The following SEL1L variants were observed in gnomAD, a reference collection of about 807,000 sequenced individuals.
SEL1L encodes SEL1L adaptor subunit of SYVN1 ubiquitin ligase, also known as protein sel-1 homolog 1.
Under a neutral mutation model 109.8 loss-of-function variants are expected in SEL1L, and 52 were observed. The ratio of observed to expected loss-of-function variants is 0.47; its 90% confidence interval spans 0.38 to 0.60. The LOEUF (loss-of-function observed/expected upper bound fraction) is 0.60, where lower values mean the gene tolerates loss of function less well. SEL1L is among the 20% of genes least tolerant of loss of function. SEL1L has a pLI of 0.00. For missense variants in SEL1L, 749 were observed against 962.2 expected (o/e 0.78, Z 2.93); for synonymous variants, 373 against 339.6 (o/e 1.10, Z -1.08).
chr14:81,494,383 T>C (rs1883661899), intron 11 of SEL1L, among the ~76,000 whole-genome samples: 1 of 152,228 alleles, frequency 6.6e-6, no homozygotes, highest in Admixed American at 6.5e-5. Flanking sequence ...CTCCCTGATC[T>C]GCCTGATTTT....
intron 10 of SEL1L, among the ~76,000 whole-genome samples, chr14:81,495,399 G>T (rs1566974450): frequency 6.6e-6 from 1 of 152,226 alleles, no homozygotes; most frequent in Non-Finnish European, 1.5e-5. Context: ...AACACTTTGG[G>T]AGGTCATGGG....
chr14:81,510,514 CTATA>C (rs1555346599), intron 3 of SEL1L, among the ~76,000 whole-genome samples: 1,182 of 104,038 alleles, frequency 0.011, 9 homozygotes, highest in East Asian at 0.039. Flanking sequence ...CTCTCTCTCT[CTATA>C]TATATATATA....
intron 16 of SEL1L, among the ~76,000 whole-genome samples, 187 bp from the exon 17 acceptor site, chr14:81,486,641 A>G (rs979384504): frequency 1.5e-4 from 22 of 147,240 alleles, no homozygotes; most frequent in African/African-American, 6.0e-4. Flanking sequence ...AGAAGTCAAC[A>G]GGTTTATAAA....
intron 3 of SEL1L, among the ~76,000 whole-genome samples, chr14:81,514,021 T>G (rs1884597036): frequency 6.6e-6 from 1 of 152,254 alleles, no homozygotes; most frequent in African/African-American, 2.4e-5. Context: ...CTCTCTTCTC[T>G]GAGGCTAGTC....
At chr14:81,477,310 T>C (rs1327636592) in intron 20 of SEL1L, 129 bp from the exon 21 acceptor site, 13 of 612,470 alleles carry the variant, frequency 2.1e-5, no homozygotes, top group Non-Finnish European at 3.7e-5. Context: ...GCAATGTGTG[T>C]GTGTGTGTGT....
In SEL1L at chr14:81,485,715, A is replaced by G; in HGVS notation, c.1830T>C (p.Thr610=). 6.2e-7 allele frequency: 1 copy of G among 1,614,122 alleles called. No individual in the cohort carries two copies. Among genetic ancestry groups the G allele is most frequent in the Non-Finnish European group, 8.5e-7 (1 of 1,179,970 alleles). ...REASIVGENE[T]YPRALLHWNR... ...TCCAATGTAGCAAAGCTCTGGGATA[A>G]GTTTCATTCTCACCTACAATGCTTG... The change falls in exon 18 of 21, where the codon ACT becomes ACC. Residue 610 remains threonine, a synonymous_variant. Coordinates refer to ENST00000336735, the MANE Select transcript of SEL1L (RefSeq NM_005065.6).
rs556233775 is a variant in SEL1L, at chr14:81,524,883, GAAC to G, written c.340+1847_340+1849del. Among the ~76,000 whole-genome samples the G allele has an allele frequency of 7.9e-5, 12 of 151,880 alleles. No individual in the cohort carries two copies. The South Asian group carries it at 8.3e-4, about 11-fold the overall frequency. On this transcript the variant is annotated intron_variant, in intron 3 of 20. Transcript: ENST00000336735. ...TGCAAGACTCTGTCTCAAAAAAAAA[GAAC>G]AACAACAAAAGAGGGAGAACAGCAA...
chr14:81,490,726 C>T (rs1883507379), intron 12 of SEL1L, among the ~76,000 whole-genome samples: 1 of 152,128 alleles, frequency 6.6e-6, no homozygotes, highest in Non-Finnish European at 1.5e-5. Context: ...TATGGCAAAA[C>T]CCTGTCTCTA....
intron 4 of SEL1L, among the ~76,000 whole-genome samples, chr14:81,505,267 T>A (rs999436542): frequency 9.9e-5 from 15 of 152,208 alleles, no homozygotes; most frequent in African/African-American, 2.9e-4. Flanking sequence ...TTTTTCAAAC[T>A]GATATAACAC....
chr14:81,516,129 TG>T (rs1884690799), intron 3 of SEL1L, among the ~76,000 whole-genome samples: 1 of 152,214 alleles, frequency 6.6e-6, no homozygotes, highest in Non-Finnish European at 1.5e-5. Context: ...AAAGGTTCTC[TG>T]GACCAGAAGC....
chr14:81,529,101 A>T (rs1473566301), intron 1 of SEL1L, among the ~76,000 whole-genome samples: 1 of 152,156 alleles, frequency 6.6e-6, no homozygotes, highest in Non-Finnish European at 1.5e-5. Context: ...TACTTCTGGC[A>T]GGTGGAGAGA....
rs573594269 is a variant in SEL1L, at chr14:81,472,343, A to G, written c.*4629T>C. 4.4e-4 allele frequency: 88 copies of G among 200,284 alleles called. No individual in the cohort carries two copies. The highest frequency in any genetic ancestry group is 2.0e-3 in the African/African-American group (83 of 42,006). The allele number at this position is 200,284 out of a possible 1,614,324, so 12.4% of individuals were successfully genotyped here. A position where few individuals can be genotyped will look rare whatever the true frequency, so the allele number is the denominator to read the frequency against. ...TGACATCTCAGTTGCCACAGTTTGC[A>G]TCATGTAGGCTTTTTATCCAAGATC... On this transcript the variant is annotated 3_prime_UTR_variant, in exon 21 of 21. Coordinates refer to ENST00000336735, the MANE Select transcript of SEL1L (RefSeq NM_005065.6).
At chr14:81,521,551 C>T (rs1884906577) in intron 3 of SEL1L, among the ~76,000 whole-genome samples, 2 of 152,164 alleles carry the variant, frequency 1.3e-5, no homozygotes, top group South Asian at 4.1e-4. Flanking sequence ...AAGATTATAT[C>T]GCTGACAAAT....
In SEL1L at chr14:81,476,457, T is replaced by C. The variant is rs1903161447; in HGVS notation, c.*515A>G. The C allele has an allele frequency of 6.5e-6, 1 of 153,298 alleles. No individual in the cohort carries two copies. Among genetic ancestry groups the C allele is most frequent in the African/African-American group, 2.4e-5 (1 of 41,314 alleles). 9.5% of individuals were successfully genotyped at this position (153,298 alleles called of 1,614,324 possible). On this transcript the variant is annotated 3_prime_UTR_variant, in exon 21 of 21. Transcript: ENST00000336735. ...TGGACTGGTAAGAGTTTCTCAGTTA[T>C]CGCAGTTCCAAAACATTTTCAAGAT... is the stretch of plus-strand genomic sequence containing the variant.
At chr14:81,499,816 A>C (rs1883927814) in intron 6 of SEL1L, among the ~76,000 whole-genome samples, 154 bp from the exon 7 acceptor site, 17 of 152,044 alleles carry the variant, frequency 1.1e-4, no homozygotes, top group Admixed American at 1.1e-3. Flanking sequence ...TGGATTAAAG[A>C]GCCTTGGAAA....
Position 81,515,045 on chromosome 14 carries a change from T to G in SEL1L, c.341-8804A>C, listed in dbSNP as rs544272284. On this transcript the variant is annotated intron_variant, in intron 3 of 20. Transcript: ENST00000336735. ...CATCCCACAGGAGGACCTCTTAGCT[T>G]ACCTCCATATCCTAGCCTCCCTATA... is the stretch of plus-strand genomic sequence containing the variant. 2.6e-5 allele frequency among the ~76,000 whole-genome samples: 4 copies of G among 152,278 alleles called. No individual in the cohort carries two copies. The East Asian group carries it at 7.7e-4, about 29-fold the overall frequency.
At chr14:81,506,049 C>T (rs1448791274) in intron 4 of SEL1L, 25 bp downstream of exon 4, 2 of 1,607,290 alleles carry the variant, frequency 1.2e-6, no homozygotes, top group Non-Finnish European at 1.7e-6. Flanking sequence ...CAATGCAGAT[C>T]TGCCTCCTAC....
intron 20 of SEL1L, among the ~76,000 whole-genome samples, chr14:81,478,047 T>G (rs186627440): frequency 6.6e-6 from 1 of 152,242 alleles, no homozygotes; most frequent in Admixed American, 6.5e-5. Context: ...AACATCTGAA[T>G]TGAAACCTGA....
At chr14:81,488,996 A>C in intron 14 of SEL1L, 1 of 501,834 alleles carries the variant, frequency 2.0e-6, no homozygotes, top group Non-Finnish European at 3.5e-6. Flanking sequence ...TGGGGTAGAG[A>C]GCAGAGATGG....
Sources: allele counts gnomAD v4.1 joint callset (sites outside exome capture counted in the v4.1 genomes callset), GRCh38; gene constraint gnomAD v4.1.1; transcripts MANE v1.5; gene names NCBI Gene and HGNC (gene_info 2026-07-23, HGNC 2026-07-21).